The following TENM2 variants were observed in gnomAD, a reference collection of about 807,000 sequenced individuals.
The protein encoded by TENM2 is teneurin transmembrane protein 2.
Under a neutral mutation model 245.2 loss-of-function variants are expected in TENM2, and 52 were observed. That is an observed-to-expected ratio of 0.21 (90% CI 0.17 to 0.27). The LOEUF is 0.27. Among genes scored for constraint, TENM2 ranks in the 10% least tolerant of loss-of-function variants. The probability of loss-of-function intolerance (pLI) is 1.00; values close to 1 mark genes in which losing one functional copy is unlikely to be tolerated. For missense variants in TENM2, 3,046 were observed against 3,666.8 expected (o/e 0.83, Z 4.37); for synonymous variants, 1,363 against 1,438.9 (o/e 0.95, Z 1.19).
the TENM2 span, among the ~76,000 whole-genome samples, chr5:167,180,612 G>T: frequency 6.6e-6 from 1 of 152,160 alleles, no homozygotes; most frequent in Admixed American, 6.5e-5. Flanking sequence ...TTAATTTATA[G>T]CTTCCTGTTG....
intron 2 of TENM2, among the ~76,000 whole-genome samples, chr5:167,831,286 A>G (rs1325204853): frequency 1.3e-5 from 2 of 152,136 alleles, no homozygotes; most frequent in Admixed American, 1.3e-4. Context: ...ATTCCTCACA[A>G]TTGATCATGT....
intron 3 of TENM2, among the ~76,000 whole-genome samples, chr5:167,914,775 TC>T (rs1776803468): frequency 6.6e-6 from 1 of 152,120 alleles, no homozygotes; most frequent in African/African-American, 2.4e-5. Context: ...TTTTTGGTGT[TC>T]CCTGGCCTAC....
At chr5:167,025,800 G>A in the TENM2 span, among the ~76,000 whole-genome samples, 21 of 152,194 alleles carry the variant, frequency 1.4e-4, 3 homozygotes, top group South Asian at 3.3e-3. Context: ...AATGAAATAC[G>A]AAGATAGTAT....
chr5:167,610,268 A>C (rs1478055267), intron 2 of TENM2, among the ~76,000 whole-genome samples: 2 of 152,112 alleles, frequency 1.3e-5, no homozygotes, highest in Non-Finnish European at 2.9e-5. Flanking sequence ...CCGTGTGTAC[A>C]TCTATCTAGA....
intron 3 of TENM2, among the ~76,000 whole-genome samples, chr5:167,944,142 T>A (rs1361290106): frequency 1.3e-5 from 2 of 152,228 alleles, no homozygotes; most frequent in Non-Finnish European, 2.9e-5. Flanking sequence ...TGACCCTTCA[T>A]GTGTGAGAAC....
the TENM2 span, among the ~76,000 whole-genome samples, chr5:167,210,701 G>T: frequency 3.3e-5 from 5 of 150,924 alleles, no homozygotes; most frequent in Non-Finnish European, 7.4e-5. Flanking sequence ...CTGACCTCAT[G>T]ATCCACCCGC....
At chr5:167,415,370 T>A (rs1763110943) in intron 2 of TENM2, among the ~76,000 whole-genome samples, 1 of 152,216 alleles carries the variant, frequency 6.6e-6, no homozygotes, top group East Asian at 1.9e-4. Flanking sequence ...TCTAGCATTA[T>A]GTTTTCAGGC....
intron 2 of TENM2, among the ~76,000 whole-genome samples, chr5:167,505,880 G>A (rs774923935): frequency 7.9e-5 from 12 of 152,054 alleles, no homozygotes; most frequent in Admixed American, 6.6e-4. Context: ...TCTGTCTTAC[G>A]GAATTGCTAT....
At chr5:167,438,627 G>T (rs1274052339) in intron 2 of TENM2, among the ~76,000 whole-genome samples, 2 of 152,240 alleles carry the variant, frequency 1.3e-5, no homozygotes, top group Admixed American at 6.5e-5. Context: ...TCGATCTCCT[G>T]ACCTCGTGAT....
chr5:168,202,625 G>A (rs1762024679), intron 17 of TENM2, among the ~76,000 whole-genome samples: 1 of 151,646 alleles, frequency 6.6e-6, no homozygotes, highest in Non-Finnish European at 1.5e-5. Flanking sequence ...CACAAGCCAG[G>A]CACTAGCAAT....
chr5:167,261,786 T>C, the TENM2 span, among the ~76,000 whole-genome samples: 1 of 152,342 alleles, frequency 6.6e-6, no homozygotes, highest in East Asian at 1.9e-4. Flanking sequence ...CTGTGCTGAA[T>C]ATATCCTTAC....
chr5:167,302,409 G>C (rs1755388837), intron 1 of TENM2, among the ~76,000 whole-genome samples: 1 of 151,462 alleles, frequency 6.6e-6, no homozygotes, highest in African/African-American at 2.4e-5. Flanking sequence ...AGAGAAAAGA[G>C]AGAGTAGAGA....
At chr5:167,118,019 C>A in the TENM2 span, among the ~76,000 whole-genome samples, 1 of 152,206 alleles carries the variant, frequency 6.6e-6, no homozygotes, top group African/African-American at 2.4e-5. Context: ...CTATACACTT[C>A]TTTCTACTAT....
At position 168,262,250 on chromosome 5, in the gene TENM2, G is replaced by A. The variant is rs79566207; in HGVS notation, c.7765G>A (p.Ala2589Thr). The change falls in exon 29 of 29, where the codon GCC (alanine) becomes ACC (threonine). Residue 2589 changes from alanine to threonine, a missense_variant. By Grantham distance (58) the Ala-to-Thr change is moderately conservative. This residue lies in a region of TENM2 where 2,704 missense variants were observed against 3,331.9 expected (regional missense o/e 0.81). Coordinates refer to ENST00000518659, the Ensembl canonical transcript of TENM2. ...GGTGACCACGGGCGTGTCCAGCATC[G>A]CCAGCGAAGATAGCCGCAAGGTGGC... 610 of 1,605,982 alleles carry A rather than the reference G, an allele frequency of 3.8e-4. 2 individuals carry two copies. The African/African-American group carries it at 6.8e-3, about 18-fold the overall frequency.
At chr5:167,599,782 G>A (rs535933629) in intron 2 of TENM2, among the ~76,000 whole-genome samples, 1 of 152,218 alleles carries the variant, frequency 6.6e-6, no homozygotes, top group South Asian at 2.1e-4. Flanking sequence ...TTTGATTAGT[G>A]AAATATTCTG....
At chr5:166,981,349 G>C in the TENM2 span, among the ~76,000 whole-genome samples, 1 of 152,116 alleles carries the variant, frequency 6.6e-6, no homozygotes, top group Non-Finnish European at 1.5e-5. Flanking sequence ...TCAAGTTAGT[G>C]GGGGGAAAAT....
intron 5 of TENM2, among the ~76,000 whole-genome samples, chr5:168,030,657 C>T (rs949671126): frequency 1.9e-4 from 29 of 152,112 alleles, no homozygotes; most frequent in African/African-American, 7.0e-4. Flanking sequence ...TCCCCAGAAC[C>T]TAGCACAACA....
chr5:167,739,724 C>T (rs146273547), intron 2 of TENM2, among the ~76,000 whole-genome samples: 1 of 152,320 alleles, frequency 6.6e-6, no homozygotes, highest in Non-Finnish European at 1.5e-5. Context: ...CTCCAAAGCT[C>T]AGAATACCAA....
At chr5:168,146,007 T>G (rs938418326) in intron 12 of TENM2, among the ~76,000 whole-genome samples, 3 of 145,416 alleles carry the variant, frequency 2.1e-5, no homozygotes, top group African/African-American at 7.7e-5. Flanking sequence ...ATAAGAATGC[T>G]TGTGATTTTT....
Sources: allele counts gnomAD v4.1 joint callset (sites outside exome capture counted in the v4.1 genomes callset), GRCh38; gene constraint gnomAD v4.1.1; regional missense constraint gnomAD v4.1.1; transcripts MANE v1.5; gene names NCBI Gene and HGNC (gene_info 2026-07-23, HGNC 2026-07-21).